FAM47E: variants seen among roughly 807,000 people sequenced by gnomAD.
FAM47E encodes protein FAM47E.
Under a neutral mutation model 41.6 loss-of-function variants are expected in FAM47E, and 32 were observed. That is an observed-to-expected ratio of 0.77 (90% CI 0.58 to 1.03). The LOEUF (loss-of-function observed/expected upper bound fraction) is 1.03. Ranked by LOEUF, FAM47E falls within the 50% of genes least tolerant of loss-of-function variation. The pLI, the probability that FAM47E is intolerant of heterozygous loss-of-function variation, is 0.00. For missense variants in FAM47E, 424 were observed against 485.4 expected (o/e 0.87, Z 1.19); for synonymous variants, 184 against 188.7 (o/e 0.98, Z 0.20).
intron 2 of FAM47E, among the ~76,000 whole-genome samples, chr4:76,221,154 T>C (rs756963144): frequency 1.5e-4 from 23 of 152,140 alleles, no homozygotes; most frequent in Non-Finnish European, 2.8e-4. Context: ...GAAAAACCCA[T>C]TGTGGCAGGG....
chr4:76,256,727 A>G (rs1201522141), intron 2 of FAM47E, among the ~76,000 whole-genome samples: 1 of 152,178 alleles, frequency 6.6e-6, no homozygotes, highest in East Asian at 1.9e-4. Flanking sequence ...CAACATGCAC[A>G]CTGCTCTCTT....
chr4:76,266,551 C>T, intron 3 of FAM47E, among the ~76,000 whole-genome samples: 1 of 152,214 alleles, frequency 6.6e-6, no homozygotes, highest in Middle Eastern at 3.2e-3. Flanking sequence ...CACCTCTTGC[C>T]TGGATTGTTG....
At chr4:76,242,224 G>T (rs906145129) in intron 2 of FAM47E, among the ~76,000 whole-genome samples, 14 of 152,106 alleles carry the variant, frequency 9.2e-5, no homozygotes, top group African/African-American at 3.1e-4. Flanking sequence ...GAGGTATTTT[G>T]TCATGGGGGT....
chr4:76,268,112 AT>A (rs1734720420), intron 3 of FAM47E: 1 of 152,224 alleles, frequency 6.6e-6, no homozygotes, highest in Non-Finnish European at 1.5e-5. Context: ...TGCATTTGAT[AT>A]GTCCAGAGTT....
intron 2 of FAM47E, among the ~76,000 whole-genome samples, chr4:76,234,030 C>T (rs1341087647): frequency 1.3e-5 from 2 of 152,198 alleles, no homozygotes; most frequent in Non-Finnish European, 2.9e-5. Flanking sequence ...TTAATTGCTG[C>T]GGGTCAGAGA....
At chr4:76,230,261 G>A (rs1733470331) in intron 2 of FAM47E, among the ~76,000 whole-genome samples, 1 of 152,058 alleles carries the variant, frequency 6.6e-6, no homozygotes, top group African/African-American at 2.4e-5. Context: ...TGTTCCAGAG[G>A]GGATTATGGC....
At chr4:76,278,323 G>C in intron 6 of FAM47E, 99 bp downstream of exon 6, 3 of 1,263,428 alleles carry the variant, frequency 2.4e-6, no homozygotes, top group Non-Finnish European at 3.1e-6. Context: ...TAATACAAAG[G>C]CTCCTGAAAG....
At position 76,271,564 on chromosome 4, in the gene FAM47E, C is replaced by G; in HGVS notation, c.670-4C>G. ...TCAATTCATGCAATGTGATATTCTTCCAGGGAATTTCGGACATCGATGAAG... is the reference window on the plus strand; with the variant it reads ...TCAATTCATGCAATGTGATATTCTTGCAGGGAATTTCGGACATCGATGAAG... On this transcript the variant is annotated splice_region_variant and splice_polypyrimidine_tract_variant and intron_variant, in intron 4 of 7. Transcript: ENST00000424749. 1 of 1,551,944 alleles carries G rather than the reference C, an allele frequency of 6.4e-7. No homozygotes were observed. The highest frequency in any genetic ancestry group is 2.4e-5 in the East Asian group (1 of 40,928).
intron 2 of FAM47E, among the ~76,000 whole-genome samples, chr4:76,258,684 G>A (rs973359812): frequency 9.9e-5 from 15 of 152,130 alleles, no homozygotes; most frequent in Admixed American, 3.3e-4. Context: ...CATCATAATC[G>A]TGAATGTTGA....
Position 76,283,388 on chromosome 4 carries a change from A to G in FAM47E, c.1112A>G (p.Glu371Gly). Residue 371 changes from glutamate (E) to glycine (G), a missense_variant, in exon 8 of 8, where the codon GAG (glutamate) becomes GGG (glycine). Transcript: ENST00000424749. ...SRGYRTPRFL[E>G]NMYIGKECKR... Reference sequence around the variant, plus strand: ...TCTCTCATTTTTTTTTAGTTCCTTGAGAATATGTATATCGGGAAGGAATGT... The same window carrying G: ...TCTCTCATTTTTTTTTAGTTCCTTGGGAATATGTATATCGGGAAGGAATGT... The G allele has an allele frequency of 6.5e-7, 1 of 1,542,524 alleles. No homozygotes were observed. The highest frequency in any genetic ancestry group is 8.8e-7 in the Non-Finnish European group (1 of 1,139,172).
intron 1 of FAM47E, among the ~76,000 whole-genome samples, chr4:76,253,955 C>A (rs7695543): frequency 0.25 from 37,634 of 151,690 alleles, 4,855 homozygotes; most frequent in East Asian, 0.47. Flanking sequence ...CCTCTCTCTA[C>A]AAAAGCAATT....
chr4:76,270,723 TC>T (rs1734849565), intron 4 of FAM47E, among the ~76,000 whole-genome samples: 2 of 152,152 alleles, frequency 1.3e-5, no homozygotes, highest in Admixed American at 1.3e-4. Flanking sequence ...GTGACCAAGC[TC>T]CCATCTTTAC....
chr4:76,229,120 T>A (rs1733450430), intron 2 of FAM47E, among the ~76,000 whole-genome samples: 1 of 152,206 alleles, frequency 6.6e-6, no homozygotes, highest in Admixed American at 6.5e-5. Flanking sequence ...CTTGTTCTAT[T>A]GTTGACTTTA....
In FAM47E at chr4:76,262,309, G is replaced by A. The variant is rs537063612; in HGVS notation, c.421-1395G>A. 3.3e-5 allele frequency among the ~76,000 whole-genome samples: 5 copies of A among 152,260 alleles called. No individual in the cohort carries two copies. In the South Asian group the frequency reaches 8.3e-4, roughly 25 times the overall value. On this transcript the variant is annotated intron_variant, in intron 2 of 7. Coordinates refer to ENST00000424749, the MANE Select transcript of FAM47E (RefSeq NM_001136570.3). Reference sequence around the variant, plus strand: ...TGCAAGACTTCAAAATATAGTTAATGATCATAAATGCCTGCCAGTTCTTAT... The same window carrying A: ...TGCAAGACTTCAAAATATAGTTAATAATCATAAATGCCTGCCAGTTCTTAT...
intron 5 of FAM47E, among the ~76,000 whole-genome samples, chr4:76,276,166 C>A (rs896191414): frequency 6.6e-6 from 1 of 152,096 alleles, no homozygotes; most frequent in Non-Finnish European, 1.5e-5. Context: ...ATTAAGCACC[C>A]ATTATGTCCT....
chr4:76,262,236 A>G (rs758002758), intron 2 of FAM47E, among the ~76,000 whole-genome samples: 5 of 152,214 alleles, frequency 3.3e-5, no homozygotes, highest in Non-Finnish European at 5.9e-5. Context: ...ATATGAACGT[A>G]TTCTCCAAGG....
intron 1 of FAM47E, among the ~76,000 whole-genome samples, chr4:76,253,285 G>GGTTGTTTGGGACATTCCA: frequency 6.6e-6 from 1 of 152,028 alleles, no homozygotes; most frequent in Non-Finnish European, 1.5e-5. Context: ...AGGACATTCA[G>GGTTGTTTGGGACATTCCA]GTTGTTTTGG....
chr4:76,267,304 G>A (rs555810225), intron 3 of FAM47E, among the ~76,000 whole-genome samples: 4 of 152,206 alleles, frequency 2.6e-5, no homozygotes, highest in Non-Finnish European at 5.9e-5. Context: ...CCCGAGGAAG[G>A]CACATGTATG....
rs1442085004 is a variant in FAM47E at position 76,223,304 on chromosome 4, CCTT to C, written c.81+5620_81+5622del. On this transcript the variant is annotated intron_variant, in intron 2 of 7. Coordinates refer to the FAM47E transcript ENST00000510197. The stretch of plus-strand genomic sequence containing the variant: ...AAGGCTTTGGGAGACAGAATTGTCT[CCTT>C]CTTGGTAGATTTCCAGTGAGTTTTG... 2.6e-5 allele frequency among the ~76,000 whole-genome samples: 4 copies of C among 152,146 alleles called. No individual in the cohort carries two copies. The East Asian group carries it at 7.7e-4, about 29-fold the overall frequency.
Sources: allele counts gnomAD v4.1 joint callset (sites outside exome capture counted in the v4.1 genomes callset), GRCh38; gene constraint gnomAD v4.1.1; transcripts MANE v1.5; gene names NCBI Gene and HGNC (gene_info 2026-07-23, HGNC 2026-07-21).